NRG2: variants seen among roughly 807,000 people sequenced by gnomAD.
The protein encoded by NRG2 is neuregulin 2.
Under a neutral mutation model 73.9 loss-of-function variants are expected in NRG2, and 27 were observed. The observed-to-expected ratio is 0.37, with a 90% CI of 0.27 to 0.50. The LOEUF (loss-of-function observed/expected upper bound fraction) is 0.50. NRG2 is among the 20% of genes least tolerant of loss of function. The pLI, the probability that NRG2 is intolerant of heterozygous loss-of-function variation, is 0.96. For missense variants in NRG2, 1,126 were observed against 1,210.1 expected, an observed-to-expected ratio of 0.93 and a Z score of 1.03; for synonymous variants, 532 against 541.0, an observed-to-expected ratio of 0.98 and a Z score of 0.23.
Position 140,043,193 on chromosome 5 carries a change from G to C in NRG2, c.-124C>G, listed in dbSNP as rs1010351206. ...CCTCTTAGCCCTCCACCGGCAGCCCGGGGAGGTGGCCCAGCTAGGGCAGGG... is the reference window on the plus strand; with the variant it reads ...CCTCTTAGCCCTCCACCGGCAGCCCCGGGAGGTGGCCCAGCTAGGGCAGGG... On this transcript the variant is annotated 5_prime_UTR_variant, in exon 1 of 10. Coordinates refer to ENST00000361474, the MANE Select transcript of NRG2 (RefSeq NM_004883.3). The surrounding 1 kb of genome is among the most constrained non-coding windows in gnomAD (Gnocchi z 6.7). 2 of 1,183,272 alleles carry C rather than the reference G, an allele frequency of 1.7e-6. No individual in the cohort carries two copies. The highest frequency in any genetic ancestry group is 2.9e-5 in the East Asian group (1 of 34,892). The allele number at this position is 1,183,272 out of a possible 1,614,324, so 73.3% of individuals were successfully genotyped here. A position where few individuals can be genotyped will look rare whatever the true frequency, so the allele number is the denominator to read the frequency against.
chr5:139,943,683 G>A (rs1345379291), intron 1 of NRG2, among the ~76,000 whole-genome samples: 2 of 152,130 alleles, frequency 1.3e-5, no homozygotes, highest in African/African-American at 2.4e-5. Flanking sequence ...TGTTTCAAAA[G>A]CAAGACATTC....
At chr5:139,988,244 T>C (rs1757324294) in intron 1 of NRG2, among the ~76,000 whole-genome samples, 1 of 152,002 alleles carries the variant, frequency 6.6e-6, no homozygotes, top group African/African-American at 2.4e-5. Flanking sequence ...AGTTTGACAG[T>C]TTCTTACAAA....
chr5:139,863,579 C>T (rs1762286467), intron 5 of NRG2, among the ~76,000 whole-genome samples: 1 of 152,218 alleles, frequency 6.6e-6, no homozygotes, highest in South Asian at 2.1e-4. Context: ...GACTCGCCAT[C>T]CAGGACAGTC....
At chr5:139,896,798 C>T (rs754876706) in intron 1 of NRG2, among the ~76,000 whole-genome samples, 1 of 152,160 alleles carries the variant, frequency 6.6e-6, no homozygotes, top group Non-Finnish European at 1.5e-5. Context: ...GCTCCCCACC[C>T]CCCAGTACCA....
chr5:139,941,059 A>T (rs909058241), intron 1 of NRG2, among the ~76,000 whole-genome samples: 26 of 152,336 alleles, frequency 1.7e-4, no homozygotes, highest in African/African-American at 6.0e-4. Context: ...AAAGATCACA[A>T]GGAAAGAAAG....
chr5:139,865,769 A>G lies in NRG2; in HGVS notation c.1113-144T>C. 9.3e-6 allele frequency: 4 copies of G among 430,828 alleles called. No homozygotes were observed. Among genetic ancestry groups the G allele is most frequent in the Non-Finnish European group, 1.7e-5 (4 of 241,432 alleles). The allele number at this position is 430,828 out of a possible 1,614,324, so 26.7% of individuals were successfully genotyped here. On this transcript the variant is annotated intron_variant, in intron 4 of 9. Coordinates refer to ENST00000361474, the MANE Select transcript of NRG2 (RefSeq NM_004883.3). This position sits in a 1 kb window ranked among gnomAD's most constrained non-coding sequence, Gnocchi z 5.2. ...ACTTGTAGCTGAAGGGACTGGAGTCAGGGCTGGGTGGAGGGCTCTGAAATC... is the reference window on the plus strand; with the variant it reads ...ACTTGTAGCTGAAGGGACTGGAGTCGGGGCTGGGTGGAGGGCTCTGAAATC...
chr5:139,967,509 C>T (rs1174287862), intron 1 of NRG2, among the ~76,000 whole-genome samples: 2 of 152,130 alleles, frequency 1.3e-5, no homozygotes, highest in Non-Finnish European at 2.9e-5. Context: ...GGTGGGCCCA[C>T]GAGAGGGCAG....
Position 139,851,788 on chromosome 5 carries a change from T to C in NRG2, c.1588A>G (p.Thr530Ala), listed in dbSNP as rs1471741590. The C allele has an allele frequency of 6.2e-7, 1 of 1,614,072 alleles. No individual in the cohort carries two copies. The highest frequency in any genetic ancestry group is 1.3e-5 in the African/African-American group (1 of 74,920). The change falls in exon 9 of 10, where the codon ACT becomes GCT. Residue 530 changes from threonine to alanine, a missense_variant. By Grantham distance (58) the Thr-to-Ala change is moderately conservative (BLOSUM62 0). This residue lies in a region of NRG2 where 539 missense variants were observed against 703.2 expected (regional missense o/e 0.77). Coordinates refer to ENST00000361474, the MANE Select transcript of NRG2 (RefSeq NM_004883.3). This position sits in a 1 kb window ranked among gnomAD's most constrained non-coding sequence, Gnocchi z 4.2. ...ATGATCCCCGACTGGGAGTCAGAAG[T>C]CAGGCTCTCAGAACGTTCCAGGCTC... is the stretch of plus-strand genomic sequence containing the variant. ...TWSLERSESL[T>A]SDSQSGIMLS...
intron 9 of NRG2, among the ~76,000 whole-genome samples, chr5:139,850,291 C>A (rs1347237204): frequency 4.6e-5 from 7 of 152,218 alleles, no homozygotes; most frequent in African/African-American, 1.7e-4. Flanking sequence ...GCTGAGGGAA[C>A]AAGGTACAGA....
chr5:139,993,638 T>C (rs761032843), intron 1 of NRG2, among the ~76,000 whole-genome samples: 2 of 152,242 alleles, frequency 1.3e-5, no homozygotes, highest in Non-Finnish European at 2.9e-5. Context: ...CAGCCCATAG[T>C]GTAAGCTTCA....
At chr5:139,917,672 T>A (rs1751363958) in intron 1 of NRG2, among the ~76,000 whole-genome samples, 2 of 152,222 alleles carry the variant, frequency 1.3e-5, no homozygotes, top group South Asian at 4.1e-4. Context: ...TTGACTCATT[T>A]TTTCCCCAGT....
At chr5:139,893,318 A>T (rs1764339423) in intron 1 of NRG2, among the ~76,000 whole-genome samples, 1 of 152,180 alleles carries the variant, frequency 6.6e-6, no homozygotes, top group South Asian at 2.1e-4. Context: ...ATTTCTCCAT[A>T]AATTCAGCTT....
At position 139,930,357 on chromosome 5, in the gene NRG2, G is replaced by A. The variant is rs76662062; in HGVS notation, c.701-42846C>T. The stretch of plus-strand genomic sequence containing the variant: ...GGAGATGATCATGTCTATAAGGCAC[G>A]GAAAACAAGATGTATCCTAAAGAAT... On this transcript the variant is annotated intron_variant, in intron 1 of 9. Coordinates refer to ENST00000361474, the MANE Select transcript of NRG2 (RefSeq NM_004883.3). Among the ~76,000 whole-genome samples, 18 of 152,234 alleles carry A rather than the reference G, an allele frequency of 1.2e-4. No individual in the cohort carries two copies. The East Asian group carries it at 2.7e-3, about 23-fold the overall frequency.
chr5:139,895,328 T>C (rs575121996), intron 1 of NRG2, among the ~76,000 whole-genome samples: 107 of 152,340 alleles, frequency 7.0e-4, no homozygotes, highest in African/African-American at 2.5e-3. Context: ...AGGGCTGGGA[T>C]ACAGGCACAC....
rs1554098296 is a variant in NRG2, at chr5:139,848,358, G to GGGGCTGGCAGGCAGGCTGCCC, written c.2091_2111dup (p.Gly698_Pro704dup). The GGGGCTGGCAGGCAGGCTGCCC allele has an allele frequency of 1.2e-4, 148 of 1,226,018 alleles. No homozygotes were observed. The highest frequency in any genetic ancestry group is 1.4e-4 in the Non-Finnish European group (141 of 987,310). 75.9% of individuals were successfully genotyped at this position (1,226,018 alleles called of 1,614,324 possible). A position where few individuals can be genotyped will look rare whatever the true frequency, so the allele number is the denominator to read the frequency against. On this transcript the variant is annotated inframe_insertion, in exon 10 of 10. Coordinates refer to ENST00000361474, the MANE Select transcript of NRG2 (RefSeq NM_004883.3). ...ACTCGTCGTCCTCGGGGATGCGGAA[G>GGGGCTGGCAGGCAGGCTGCCC]GGGCTGGCAGGCAGGCTGCCCAGGC... is the stretch of plus-strand genomic sequence containing the variant.
At chr5:139,920,148 GT>G (rs1751553838) in intron 1 of NRG2, among the ~76,000 whole-genome samples, 1 of 152,196 alleles carries the variant, frequency 6.6e-6, no homozygotes, top group Admixed American at 6.5e-5. Flanking sequence ...AACCAGCTTA[GT>G]TTGGAAATAC....
In NRG2 at chr5:139,997,528, G is replaced by T. The variant is rs940783582; in HGVS notation, c.700+44842C>A. On this transcript the variant is annotated intron_variant, in intron 1 of 9. Coordinates refer to ENST00000361474, the MANE Select transcript of NRG2 (RefSeq NM_004883.3). ...TTTAGTGAAAGAGGGAAGAGCAAAG[G>T]TCAACAATACAGGTCTGCCCCCAAA... Among the ~76,000 whole-genome samples, 5 of 152,288 alleles carry T rather than the reference G, an allele frequency of 3.3e-5. No individual in the cohort carries two copies. The East Asian group carries it at 9.6e-4, about 29-fold the overall frequency.
Position 140,042,926 on chromosome 5 carries a change from C to G in NRG2, c.144G>C (p.Arg48Ser), listed in dbSNP as rs757010426. 2.5e-5 allele frequency: 39 copies of G among 1,536,238 alleles called. No homozygotes were observed. The highest frequency in any genetic ancestry group is 2.2e-4 in the Admixed American group (11 of 50,908). The part of the protein sequence containing the change: ...SSSSESGSSS[R>S]SSSNNSSISR... ...AGATGCTGCTGTTGTTGCTGCTGCTCCTGCTGCTGCTGCCGCTCTCGCTGC... is the reference window on the plus strand; with the variant it reads ...AGATGCTGCTGTTGTTGCTGCTGCTGCTGCTGCTGCTGCCGCTCTCGCTGC... The change falls in exon 1 of 10, where the codon AGG becomes AGC. Residue 48 changes from arginine to serine, a missense_variant. Around this residue, in one of 3 missense-constraint regions of NRG2, gnomAD observed 185 missense variants for 149.0 expected, o/e 1.24. Transcript: ENST00000361474.
chr5:139,955,878 T>C lies in NRG2; in HGVS notation c.701-68367A>G, dbSNP rs377151465. 3.2e-4 allele frequency among the ~76,000 whole-genome samples: 48 copies of C among 152,278 alleles called. 1 individual carries two copies. In the East Asian group the frequency reaches 8.7e-3, roughly 28 times the overall value. On this transcript the variant is annotated intron_variant, in intron 1 of 9. Transcript: ENST00000361474. ...GAGTCCCAGGCCAGAATCAGCCCCATGGAGCCTGAGATAAGCCACTGAAAC... is the reference window on the plus strand; with the variant it reads ...GAGTCCCAGGCCAGAATCAGCCCCACGGAGCCTGAGATAAGCCACTGAAAC...
Sources: gnomAD v4.1 joint callset for allele counts (sites outside exome capture counted in the v4.1 genomes callset) on GRCh38, gnomAD v4.1.1 for gene constraint, gnomAD v4.1.1 regional missense constraint, Gnocchi (gnomAD v3.1) non-coding constraint, MANE v1.5 for transcripts, NCBI Gene and HGNC (gene_info 2026-07-23, HGNC 2026-07-21) for gene names.